Variants in MSRB2 observed in about 807,000 individuals in gnomAD.
MSRB2 encodes methionine sulfoxide reductase B2.
Under a neutral mutation model 19.0 loss-of-function variants are expected in MSRB2, and 17 were observed. The observed-to-expected ratio is 0.89, with a 90% confidence interval of 0.61 to 1.34. The LOEUF is 1.34. Among genes scored for constraint, MSRB2 ranks in the 40% most tolerant of loss-of-function variants. The probability of loss-of-function intolerance (pLI) is 0.00; values close to 1 mark genes in which losing one functional copy is unlikely to be tolerated. For synonymous variants in MSRB2, 107 were observed against 99.7 expected (o/e 1.07, Z -0.44); for missense variants, 208 against 237.6 (o/e 0.88, Z 0.82).
At chr10:23,117,295 G>T (rs983359025) in intron 3 of MSRB2, among the ~76,000 whole-genome samples, 2 of 152,088 alleles carry the variant, frequency 1.3e-5, no homozygotes, top group East Asian at 3.9e-4. Flanking sequence ...ATTCCTGGGG[G>T]GGACCTTTCT....
rs79885905 is a variant in MSRB2 at position 23,118,234 on chromosome 10, C to G, written c.297-1070C>G. The stretch of plus-strand genomic sequence containing the variant: ...AATGTTTGAGAATTGCTGCATTACA[C>G]AATTGTTTCTGTGGGAGTTTGTGCT... On this transcript the variant is annotated intron_variant, in intron 3 of 4. Coordinates refer to ENST00000376510, the MANE Select transcript of MSRB2 (RefSeq NM_012228.4). Among the ~76,000 whole-genome samples the G allele has an allele frequency of 2.2e-4, 33 of 151,882 alleles. No homozygotes were observed. The East Asian group carries it at 6.4e-3, about 29-fold the overall frequency.
At chr10:23,105,646 T>A (rs1192584075) in intron 2 of MSRB2, among the ~76,000 whole-genome samples, 1 of 152,210 alleles carries the variant, frequency 6.6e-6, no homozygotes, top group Admixed American at 6.5e-5. Context: ...AACTTTGTTA[T>A]TAGATATTTT....
intron 3 of MSRB2, among the ~76,000 whole-genome samples, chr10:23,113,191 G>C (rs1840073652): frequency 1.3e-5 from 2 of 152,230 alleles, no homozygotes; most frequent in Non-Finnish European, 1.5e-5. Flanking sequence ...CCAAAACTAA[G>C]TAGTTCTTTT....
At chr10:23,096,405 A>T (rs977651219) in intron 1 of MSRB2, among the ~76,000 whole-genome samples, 2 of 124,746 alleles carry the variant, frequency 1.6e-5, no homozygotes, top group Non-Finnish European at 3.3e-5. Flanking sequence ...CCTCTCTTGG[A>T]TCTGGGTACC....
chr10:23,102,614 T>C (rs1416519742), intron 1 of MSRB2, among the ~76,000 whole-genome samples: 1 of 152,250 alleles, frequency 6.6e-6, no homozygotes. Context: ...TGTCCCACTG[T>C]TGGTGATGCT....
intron 3 of MSRB2, among the ~76,000 whole-genome samples, chr10:23,114,964 A>T (rs1840095272): frequency 6.6e-6 from 1 of 152,066 alleles, no homozygotes; most frequent in South Asian, 2.1e-4. Flanking sequence ...AGAAGACATA[A>T]CCAGCCTCTG....
chr10:23,118,330 G>GTTTTTTTTTTTTTT (rs199691499), intron 3 of MSRB2, among the ~76,000 whole-genome samples: 1 of 86,644 alleles, frequency 1.2e-5, no homozygotes, highest in African/African-American at 4.8e-5. Flanking sequence ...TCTTAGATTA[G>GTTTTTTTTTTTTTT]TTTTTTGTTT....
chr10:23,101,942 T>G (rs1839930190), intron 1 of MSRB2, among the ~76,000 whole-genome samples: 1 of 152,202 alleles, frequency 6.6e-6, no homozygotes, highest in Admixed American at 6.5e-5. Context: ...ATAGTACATT[T>G]GTCAAAACTG....
intron 1 of MSRB2, among the ~76,000 whole-genome samples, chr10:23,098,923 C>T (rs1383544666): frequency 6.6e-6 from 1 of 152,216 alleles, no homozygotes; most frequent in Non-Finnish European, 1.5e-5. Context: ...AAGGCCAAGA[C>T]TTGTCCTGAG....
chr10:23,118,330 GTTTTTTGTTTTTTTTT>G (rs1472779862), intron 3 of MSRB2, among the ~76,000 whole-genome samples: 5 of 86,644 alleles, frequency 5.8e-5, no homozygotes, highest in African/African-American at 2.4e-4. Flanking sequence ...TCTTAGATTA[GTTTTTTGTTTTTTTTT>G]TTTTTTTTTT....
chr10:23,103,909 G>A (rs1225243609), intron 1 of MSRB2, among the ~76,000 whole-genome samples: 1 of 152,156 alleles, frequency 6.6e-6, no homozygotes, highest in African/African-American at 2.4e-5. Flanking sequence ...TGTGCCCCAG[G>A]AAGACTAGAA....
Position 23,121,044 on chromosome 10 carries a change from T to C in MSRB2, c.*182T>C, listed in dbSNP as rs76799338. Reference sequence around the variant, plus strand: ...CAACTTAATCCTGTGTGTTAGGCTGTTCTTGTGTTGCTATAAAGAAGTACC... The same window carrying C: ...CAACTTAATCCTGTGTGTTAGGCTGCTCTTGTGTTGCTATAAAGAAGTACC... On this transcript the variant is annotated 3_prime_UTR_variant, in exon 5 of 5. Coordinates refer to ENST00000376510, the MANE Select transcript of MSRB2 (RefSeq NM_012228.4). 4.5e-4 allele frequency: 227 copies of C among 502,174 alleles called. No homozygotes were observed. The highest frequency in any genetic ancestry group is 4.0e-3 in the African/African-American group (207 of 51,668). The allele number at this position is 502,174 out of a possible 1,614,324, so 31.1% of individuals were successfully genotyped here. A position where few individuals can be genotyped will look rare whatever the true frequency, so the allele number is the denominator to read the frequency against.
chr10:23,106,540 C>G (rs976890458), intron 2 of MSRB2, among the ~76,000 whole-genome samples: 1 of 152,214 alleles, frequency 6.6e-6, no homozygotes, highest in Non-Finnish European at 1.5e-5. Context: ...TCCCTTTCCC[C>G]CAGCTATTGA....
intron 3 of MSRB2, among the ~76,000 whole-genome samples, chr10:23,112,638 G>A (rs550714283): frequency 2.6e-5 from 4 of 152,344 alleles, no homozygotes; most frequent in African/African-American, 9.6e-5. Context: ...GCCCAGGCTG[G>A]AGTGCAGTGG....
intron 3 of MSRB2, 104 bp from the exon 4 acceptor site, chr10:23,119,200 G>C: frequency 7.2e-7 from 1 of 1,394,214 alleles, no homozygotes; most frequent in South Asian, 1.2e-5. Context: ...TGGCAGAGGA[G>C]AGTGGGAACA....
intron 1 of MSRB2, 146 bp from the exon 2 acceptor site, chr10:23,103,998 C>G (rs1249679008): frequency 1.9e-6 from 1 of 513,230 alleles, no homozygotes; most frequent in African/African-American, 2.0e-5. Context: ...GCCTTCTGGT[C>G]CCCATGAAGA....
chr10:23,120,209 T>A (rs1840166637), intron 4 of MSRB2, among the ~76,000 whole-genome samples: 1 of 152,192 alleles, frequency 6.6e-6, no homozygotes, highest in Non-Finnish European at 1.5e-5. Context: ...ATGCTGCGGG[T>A]GACGTCAGCA....
In MSRB2 at chr10:23,104,193, G is replaced by C. The variant is rs759432644; in HGVS notation, c.168G>C (p.Lys56Asn). Residue 56 changes from lysine to asparagine, a missense_variant, in exon 2 of 5, where the codon AAG (lysine) becomes AAC (asparagine). Lys to Asn is a moderately conservative substitution (Grantham distance 94). Transcript: ENST00000376510. ...CTCTTGCCAAGAGTGAGTGGCAAAA[G>C]AAACTAACCCCGGAGCAGTTCTACG... ...ELPLAKSEWQ[K>N]KLTPEQFYVT... is the part of the protein sequence containing the mutation. 1.9e-6 allele frequency: 3 copies of C among 1,613,982 alleles called. No individual in the cohort carries two copies. Among genetic ancestry groups the C allele is most frequent in the East Asian group, 2.2e-5 (1 of 44,848 alleles).
Position 23,095,644 on chromosome 10 carries a change from C to T in MSRB2, c.36C>T (p.Thr12=). ...ARLLWLLRGL[T]LGTAPRRAVR... ...TCCTCTGGTTGCTCCGGGGCCTGAC[C>T]CTCGGAACTGCGCCTCGGCGGGCGG... The change falls in exon 1 of 5, where the codon ACC becomes ACT. Residue 12 remains threonine (T), a synonymous_variant. Coordinates refer to ENST00000376510, the MANE Select transcript of MSRB2 (RefSeq NM_012228.4). The T allele has an allele frequency of 3.4e-6, 5 of 1,451,020 alleles. No homozygotes were observed. The highest frequency in any genetic ancestry group is 4.5e-6 in the Non-Finnish European group (5 of 1,107,764). 89.9% of individuals were successfully genotyped at this position (1,451,020 alleles called of 1,614,324 possible).
Sources: gnomAD v4.1 joint callset for allele counts (sites outside exome capture counted in the v4.1 genomes callset) on GRCh38, gnomAD v4.1.1 for gene constraint, MANE v1.5 for transcripts, NCBI Gene and HGNC (gene_info 2026-07-23, HGNC 2026-07-21) for gene names.